The following RASGRF1 variants were observed in gnomAD, a reference collection of about 807,000 sequenced individuals.
The protein encoded by RASGRF1 is Ras protein specific guanine nucleotide releasing factor 1.
In RASGRF1, 40 loss-of-function variants were observed where a neutral mutation model predicts 138.7. The observed-to-expected ratio is 0.29, with a 90% CI of 0.22 to 0.38. The LOEUF is 0.38. RASGRF1 is among the 10% of genes least tolerant of loss of function. RASGRF1 has a pLI of 1.00. For synonymous variants in RASGRF1, 614 were observed against 663.2 expected (o/e 0.93, Z 1.14); for missense variants, 1,108 against 1,650.4 (o/e 0.67, Z 5.69).
intron 26 of RASGRF1, among the ~76,000 whole-genome samples, chr15:78,971,293 T>G (rs2055754742): frequency 6.6e-6 from 1 of 152,242 alleles, no homozygotes. Flanking sequence ...GAGGATTGGC[T>G]AAATAGATTT....
chr15:79,013,941 A>G (rs1014414308), intron 13 of RASGRF1, among the ~76,000 whole-genome samples: 1 of 152,240 alleles, frequency 6.6e-6, no homozygotes, highest in Non-Finnish European at 1.5e-5. Context: ...GAAGAGAAAA[A>G]TAGTTATTAA....
chr15:78,994,260 GACC>G (rs1210691562), intron 20 of RASGRF1, among the ~76,000 whole-genome samples: 1 of 152,254 alleles, frequency 6.6e-6, no homozygotes, highest in Non-Finnish European at 1.5e-5. Flanking sequence ...CCTGCCTGTG[GACC>G]ACGTGTGGGT....
chr15:78,971,772 G>T, intron 26 of RASGRF1, 94 bp downstream of exon 26: 1 of 1,176,820 alleles, frequency 8.5e-7, no homozygotes, highest in South Asian at 1.2e-5. Context: ...TTCTGGAAGG[G>T]AAAGTGGACG....
intron 11 of RASGRF1, among the ~76,000 whole-genome samples, chr15:79,019,229 C>T (rs2056924306): frequency 6.6e-6 from 1 of 152,148 alleles, no homozygotes; most frequent in Non-Finnish European, 1.5e-5. Flanking sequence ...GCTGGTGTCC[C>T]CACAGGGCAG....
intron 26 of RASGRF1, among the ~76,000 whole-genome samples, chr15:78,969,285 T>C (rs1206061997): frequency 1.3e-5 from 2 of 152,206 alleles, no homozygotes; most frequent in African/African-American, 4.8e-5. Context: ...ATGTCCCATA[T>C]TCTGAAATTG....
intron 1 of RASGRF1, among the ~76,000 whole-genome samples, chr15:79,088,573 C>T (rs2058012234): frequency 6.6e-6 from 1 of 152,208 alleles, no homozygotes; most frequent in African/African-American, 2.4e-5. Flanking sequence ...GCCAACTTGG[C>T]TTCCCCCACC....
intron 26 of RASGRF1, 131 bp downstream of exon 26, chr15:78,971,735 A>T: frequency 1.2e-6 from 1 of 812,848 alleles, no homozygotes; most frequent in Non-Finnish European, 2.1e-6. Context: ...CCTTACAGGG[A>T]TGGCATTTGA....
chr15:78,983,744 T>G (rs1595868719), intron 23 of RASGRF1, among the ~76,000 whole-genome samples: 1 of 152,372 alleles, frequency 6.6e-6, no homozygotes, highest in Middle Eastern at 3.4e-3. Context: ...CATGACAGCA[T>G]GTACCATGTT....
At chr15:79,024,750 T>C (rs1196189687) in intron 10 of RASGRF1, among the ~76,000 whole-genome samples, 1 of 152,204 alleles carries the variant, frequency 6.6e-6, no homozygotes, top group Non-Finnish European at 1.5e-5. Context: ...TTCTCAGCCA[T>C]GTGGAACTGT....
intron 20 of RASGRF1, among the ~76,000 whole-genome samples, chr15:78,993,987 C>T (rs979338214): frequency 7.2e-5 from 11 of 152,180 alleles, no homozygotes; most frequent in African/African-American, 2.7e-4. Flanking sequence ...CCGGATCTGC[C>T]CCACACAGGC....
chr15:79,053,323 A>T (rs1160400595), intron 3 of RASGRF1, among the ~76,000 whole-genome samples: 5 of 152,172 alleles, frequency 3.3e-5, no homozygotes, highest in African/African-American at 9.7e-5. Flanking sequence ...TAGGGTAAAG[A>T]TCTCTGCAGT....
chr15:78,987,936 T>C (rs1345975476), intron 22 of RASGRF1, among the ~76,000 whole-genome samples: 1 of 152,176 alleles, frequency 6.6e-6, no homozygotes, highest in Non-Finnish European at 1.5e-5. Flanking sequence ...TCCTGGCCAG[T>C]ACCAGTTAAG....
intron 3 of RASGRF1, among the ~76,000 whole-genome samples, chr15:79,049,796 C>CG (rs2057406281): frequency 1.3e-5 from 2 of 152,018 alleles, no homozygotes; most frequent in South Asian, 2.1e-4. Context: ...AAGCGCTGCA[C>CG]GGGGGATGGG....
intron 6 of RASGRF1, among the ~76,000 whole-genome samples, chr15:79,033,809 C>T (rs1015329561): frequency 2.6e-5 from 4 of 151,842 alleles, no homozygotes; most frequent in East Asian, 1.9e-4. Flanking sequence ...AGGCTGGTCT[C>T]GAACTCTTGA....
intron 8 of RASGRF1, among the ~76,000 whole-genome samples, chr15:79,029,878 A>C (rs1257627986): frequency 6.6e-6 from 1 of 152,156 alleles, no homozygotes; most frequent in African/African-American, 2.4e-5. Flanking sequence ...TCTTATGTCA[A>C]ATACCTTGGC....
rs561180455 is a variant in RASGRF1 at position 79,012,871 on chromosome 15, C to T, written c.1826+2456G>A. 7.2e-5 allele frequency among the ~76,000 whole-genome samples: 11 copies of T among 152,170 alleles called. No homozygotes were observed. In the East Asian group the frequency reaches 9.7e-4, roughly 13 times the overall value. On this transcript the variant is annotated intron_variant, in intron 13 of 26. Coordinates refer to ENST00000558480, the MANE Select transcript of RASGRF1 (RefSeq NM_001145648.3). ...CTAATTTTTGTATTTTTAGTAGAGA[C>T]GAGGTTTCACCATGTTGGTCAGGCT...
In RASGRF1 at chr15:78,987,311, C is replaced by T. The variant is rs984738838; in HGVS notation, c.3217-2107G>A. Among the ~76,000 whole-genome samples the T allele has an allele frequency of 9.2e-4, 131 of 142,386 alleles. 1 individual carries two copies. The highest frequency in any genetic ancestry group is 3.2e-3 in the African/African-American group (124 of 38,574). The allele number at this position is 142,386 out of a possible 152,430, so 93.4% of individuals were successfully genotyped here. ...ATTTATTCATGGTTAAATCCATTAG[C>T]ACCCAAGGAATAAAAGATAATTAAA... is the stretch of plus-strand genomic sequence containing the variant. On this transcript the variant is annotated intron_variant, in intron 22 of 26. Coordinates refer to ENST00000558480, the MANE Select transcript of RASGRF1 (RefSeq NM_001145648.3).
intron 23 of RASGRF1, among the ~76,000 whole-genome samples, chr15:78,983,074 G>A (rs1395668955): frequency 3.3e-5 from 5 of 152,198 alleles, no homozygotes; most frequent in Non-Finnish European, 5.9e-5. Context: ...TACAGTTCAG[G>A]CCATCTAAGA....
At chr15:79,017,419 G>A (rs997947060) in intron 12 of RASGRF1, among the ~76,000 whole-genome samples, 4 of 152,250 alleles carry the variant, frequency 2.6e-5, no homozygotes, top group South Asian at 2.1e-4. Context: ...ACTAAAATGC[G>A]GATTTACAGG....
Sources: gnomAD v4.1 joint callset for allele counts (sites outside exome capture counted in the v4.1 genomes callset) on GRCh38, gnomAD v4.1.1 for gene constraint, MANE v1.5 for transcripts, NCBI Gene and HGNC (gene_info 2026-07-23, HGNC 2026-07-21) for gene names.